Variants in UBE2E2 observed in about 807,000 individuals in gnomAD.
UBE2E2 encodes the protein ubiquitin conjugating enzyme E2 E2, also known as ubiquitin-conjugating enzyme E2 E2.
A neutral mutation model predicts 24.7 loss-of-function variants in UBE2E2; 6 were observed. The observed-to-expected ratio is 0.24, with a 90% confidence interval of 0.13 to 0.48. The LOEUF (loss-of-function observed/expected upper bound fraction) is 0.48, where lower values mean the gene tolerates loss of function less well. Among genes scored for constraint, UBE2E2 ranks in the 20% least tolerant of loss-of-function variants. The pLI, the probability that UBE2E2 is intolerant of heterozygous loss-of-function variation, is 0.99. For synonymous variants in UBE2E2, 104 were observed against 83.6 expected (o/e 1.24, Z -1.33); for missense variants, 169 against 245.0 (o/e 0.69, Z 2.07).
rs866943788 is a variant in UBE2E2 at position 23,474,421 on chromosome 3, C to T, written c.228-25187C>T. Among the ~76,000 whole-genome samples, 1 of 151,976 alleles carries T rather than the reference C, an allele frequency of 6.6e-6. No individual in the cohort carries two copies. The highest frequency in any genetic ancestry group is 2.4e-5 in the African/African-American group (1 of 41,306). ...AAATGCAAATTTGGTACAAAGTACT[C>T]TTTTCTGAAGGGAACGTGCAGATTT... On this transcript the variant is annotated intron_variant, in intron 3 of 5. Coordinates refer to ENST00000396703, the MANE Select transcript of UBE2E2 (RefSeq NM_152653.4). The surrounding 1 kb of genome is among the most constrained non-coding windows in gnomAD (Gnocchi z 4.0).
At chr3:23,437,776 G>A (rs1698215872) in intron 3 of UBE2E2, among the ~76,000 whole-genome samples, 1 of 152,164 alleles carries the variant, frequency 6.6e-6, no homozygotes, top group Non-Finnish European at 1.5e-5. Context: ...TTGTATCGTA[G>A]ATTGTGTATA....
At chr3:23,458,450 C>A (rs1424087709) in intron 3 of UBE2E2, among the ~76,000 whole-genome samples, 1 of 134,046 alleles carries the variant, frequency 7.5e-6, no homozygotes, top group Admixed American at 7.0e-5. Context: ...GAGACGGAGT[C>A]TCTATCGCCC....
intron 3 of UBE2E2, among the ~76,000 whole-genome samples, chr3:23,263,177 C>G (rs1697949597): frequency 6.6e-6 from 1 of 152,122 alleles, no homozygotes; most frequent in Non-Finnish European, 1.5e-5. Flanking sequence ...ACTACTTGAG[C>G]CATTCTGACT....
intron 3 of UBE2E2, among the ~76,000 whole-genome samples, chr3:23,351,412 G>A (rs1029674766): frequency 5.3e-5 from 8 of 152,150 alleles, no homozygotes; most frequent in African/African-American, 1.9e-4. Flanking sequence ...TAAATGGACT[G>A]AATGCTCCAA....
At chr3:23,343,764 C>T (rs974851176) in intron 3 of UBE2E2, among the ~76,000 whole-genome samples, 4 of 152,154 alleles carry the variant, frequency 2.6e-5, no homozygotes, top group African/African-American at 7.2e-5. Flanking sequence ...ACTTCTCACA[C>T]CATTGATAAG....
intron 5 of UBE2E2, among the ~76,000 whole-genome samples, chr3:23,570,500 A>G (rs1696195116): frequency 6.6e-6 from 1 of 152,228 alleles, no homozygotes; most frequent in Non-Finnish European, 1.5e-5. Flanking sequence ...CATTTTACTG[A>G]TGTAAACAAT....
intron 3 of UBE2E2, among the ~76,000 whole-genome samples, chr3:23,338,186 G>T (rs576281071): frequency 1.3e-5 from 2 of 152,158 alleles, no homozygotes; most frequent in Non-Finnish European, 2.9e-5. Flanking sequence ...TGCATTTTAT[G>T]ATCAAAATGT....
intron 3 of UBE2E2, among the ~76,000 whole-genome samples, chr3:23,401,190 C>T (rs1697213209): frequency 6.6e-6 from 1 of 152,122 alleles, no homozygotes; most frequent in Non-Finnish European, 1.5e-5. Context: ...CCACTTTGCC[C>T]ACCAGGTAAC....
intron 3 of UBE2E2, among the ~76,000 whole-genome samples, chr3:23,292,988 G>A (rs1056245839): frequency 1.3e-5 from 2 of 152,168 alleles, no homozygotes; most frequent in African/African-American, 2.4e-5. Flanking sequence ...CAGGAGAATC[G>A]CTTGAACCTG....
intron 3 of UBE2E2, among the ~76,000 whole-genome samples, chr3:23,465,648 T>C (rs1698905259): frequency 6.6e-6 from 1 of 152,132 alleles, no homozygotes; most frequent in Admixed American, 6.5e-5. Context: ...TTTTTGCCAC[T>C]TCCCTGATCA....
At chr3:23,584,106 T>G (rs761413106) in intron 5 of UBE2E2, among the ~76,000 whole-genome samples, 2 of 152,200 alleles carry the variant, frequency 1.3e-5, no homozygotes, top group African/African-American at 2.4e-5. Flanking sequence ...GTGCCTAGTT[T>G]GTTGAGGGTT....
chr3:23,458,426 G>GGTGGTGGTGGTGGTGGTGGTGGTGGTT (rs1424119249), intron 3 of UBE2E2, among the ~76,000 whole-genome samples: 21 of 148,082 alleles, frequency 1.4e-4, no homozygotes, highest in African/African-American at 4.9e-4. Flanking sequence ...TGGTGGTGGT[G>GGTGGTGGTGGTGGTGGTGGTGGTGGTT]GTTGTTGTTG....
intron 3 of UBE2E2, among the ~76,000 whole-genome samples, chr3:23,408,618 C>G (rs1244779600): frequency 1.3e-5 from 2 of 152,058 alleles, no homozygotes; most frequent in Admixed American, 6.6e-5. Context: ...TTGAAGTGAA[C>G]TTTTGGCAAT....
At chr3:23,384,623 A>G (rs138614812) in intron 3 of UBE2E2, among the ~76,000 whole-genome samples, 4,386 of 150,446 alleles carry the variant, frequency 0.029, 109 homozygotes, top group East Asian at 0.13. Flanking sequence ...GCTCACTGCA[A>G]CCTCCACCTC....
At chr3:23,445,052 G>A (rs1698396180) in intron 3 of UBE2E2, among the ~76,000 whole-genome samples, 1 of 152,148 alleles carries the variant, frequency 6.6e-6, no homozygotes, top group Admixed American at 6.5e-5. Context: ...CGGTTTCCTT[G>A]AGTAATGATG....
chr3:23,288,878 T>C (rs1192527700), intron 3 of UBE2E2, among the ~76,000 whole-genome samples: 2 of 152,218 alleles, frequency 1.3e-5, no homozygotes, highest in African/African-American at 4.8e-5. Flanking sequence ...ATTACTGTGC[T>C]ATCCCTCCCC....
chr3:23,590,169 G>T lies in UBE2E2; in HGVS notation c.*338G>T. On this transcript the variant is annotated 3_prime_UTR_variant, in exon 6 of 6. Transcript: ENST00000396703. ...AGTAAGAGCTTTCTTACAAAGCTTT[G>T]TATTACTGTGTGGTTTTGTTTTTTT... The T allele has an allele frequency of 4.7e-6, 1 of 212,050 alleles. No individual in the cohort carries two copies. Among genetic ancestry groups the T allele is most frequent in the East Asian group, 1.0e-4 (1 of 9,884 alleles). The allele number at this position is 212,050 out of a possible 1,614,324, so 13.1% of individuals were successfully genotyped here. A position where few individuals can be genotyped will look rare whatever the true frequency, so the allele number is the denominator to read the frequency against.
chr3:23,464,819 G>A (rs1479424867), intron 3 of UBE2E2, among the ~76,000 whole-genome samples: 1 of 152,122 alleles, frequency 6.6e-6, no homozygotes, highest in Admixed American at 6.5e-5. Flanking sequence ...GTTTGCATTG[G>A]GAATCAAATG....
At chr3:23,328,861 C>T (rs889186582) in intron 3 of UBE2E2, among the ~76,000 whole-genome samples, 4 of 152,064 alleles carry the variant, frequency 2.6e-5, no homozygotes, top group African/African-American at 9.7e-5. Context: ...GGGGTTTCAC[C>T]ATGTTGGCCA....
Sources: gnomAD v4.1 joint callset for allele counts (sites outside exome capture counted in the v4.1 genomes callset) on GRCh38, gnomAD v4.1.1 for gene constraint, Gnocchi (gnomAD v3.1) non-coding constraint, MANE v1.5 for transcripts, NCBI Gene and HGNC (gene_info 2026-07-23, HGNC 2026-07-21) for gene names.